The following NAV2 variants were observed in gnomAD, a reference collection of about 807,000 sequenced individuals.
NAV2 encodes the protein neuron navigator 2, also known as helicase, APC down-regulated 1.
In NAV2, 54 loss-of-function variants were observed where a neutral mutation model predicts 223.2. The ratio of observed to expected loss-of-function variants is 0.24; its 90% CI spans 0.19 to 0.30. The LOEUF is 0.30. Among genes scored for constraint, NAV2 ranks in the 10% least tolerant of loss-of-function variants. NAV2 has a pLI of 1.00. For missense variants in NAV2, 2,806 were observed against 3,147.5 expected, an observed-to-expected ratio of 0.89 and a Z score of 2.60; for synonymous variants, 1,279 against 1,239.3, an observed-to-expected ratio of 1.03 and a Z score of -0.67.
Position 19,713,300 on chromosome 11 carries a change from A to C in NAV2, c.-396A>C. Reference sequence around the variant, plus strand: ...GGTCGCCGCCGCCTCTGTCTCTTCCAAAGGGGCCTCCTCACTTCGGAGATG... The same window carrying C: ...GGTCGCCGCCGCCTCTGTCTCTTCCCAAGGGGCCTCCTCACTTCGGAGATG... On this transcript the variant is annotated 5_prime_UTR_variant, in exon 1 of 38. Transcript: ENST00000349880. The surrounding 1 kb of genome is among the most constrained non-coding windows in gnomAD (Gnocchi z 7.2). The C allele has an allele frequency of 9.7e-7, 1 of 1,027,350 alleles. No homozygotes were observed. The highest frequency in any genetic ancestry group is 1.2e-6 in the Non-Finnish European group (1 of 858,590). The allele number at this position is 1,027,350 out of a possible 1,614,324, so 63.6% of individuals were successfully genotyped here.
chr11:19,792,211 G>C (rs1009525650), intron 1 of NAV2, among the ~76,000 whole-genome samples: 2 of 152,188 alleles, frequency 1.3e-5, no homozygotes, highest in African/African-American at 2.4e-5. Flanking sequence ...CAGGTCCCAG[G>C]CTTTAGGAGC....
chr11:19,873,394 T>C (rs2062649599), intron 4 of NAV2, among the ~76,000 whole-genome samples: 1 of 151,948 alleles, frequency 6.6e-6, no homozygotes, highest in African/African-American at 2.4e-5. Context: ...GAATAGACAT[T>C]TGCCAGACAG....
intron 1 of NAV2, among the ~76,000 whole-genome samples, chr11:19,686,659 A>AC (rs2049033423): frequency 6.6e-6 from 1 of 151,948 alleles, no homozygotes; most frequent in African/African-American, 2.4e-5. Context: ...GGTGGGGAGG[A>AC]CCCCCAGTGT....
intron 1 of NAV2, among the ~76,000 whole-genome samples, chr11:19,769,524 C>G (rs534588493): frequency 6.6e-6 from 1 of 152,240 alleles, no homozygotes; most frequent in South Asian, 2.1e-4. Flanking sequence ...GTTTGTGGAC[C>G]AGACCCAGAG....
rs758783186 is a variant in NAV2 at position 19,998,992 on chromosome 11, T to C, written c.2768+14745T>C. ...ATCCCCTCTCCCAGCACAGGGCCCGTCCAGAGAGGGTGCTTATTACATATA... is the reference window on the plus strand; with the variant it reads ...ATCCCCTCTCCCAGCACAGGGCCCGCCCAGAGAGGGTGCTTATTACATATA... On this transcript the variant is annotated intron_variant, in intron 11 of 37. Coordinates refer to ENST00000349880, the MANE Select transcript of NAV2 (RefSeq NM_145117.5). The surrounding 1 kb of genome is among the most constrained non-coding windows in gnomAD (Gnocchi z 5.0). 3.9e-5 allele frequency among the ~76,000 whole-genome samples: 6 copies of C among 152,192 alleles called. No homozygotes were observed. The highest frequency in any genetic ancestry group is 7.3e-5 in the Non-Finnish European group (5 of 68,034).
At chr11:19,764,706 G>A (rs926159407) in intron 1 of NAV2, among the ~76,000 whole-genome samples, 9 of 151,952 alleles carry the variant, frequency 5.9e-5, no homozygotes, top group South Asian at 2.1e-4. Context: ...TTATATGTGC[G>A]TGCATCTTGC....
Position 19,381,513 on chromosome 11 carries a change from C to G in NAV2, c.75+30486C>G, listed in dbSNP as rs146992871. On this transcript the variant is annotated intron_variant, in intron 1 of 37. Coordinates refer to the NAV2 transcript ENST00000360655. Reference sequence around the variant, plus strand: ...CATGCGGAGTAGTTTATGAAACATACGGAGACCCTGACTCTTTCCAGAGAT... The same window carrying G: ...CATGCGGAGTAGTTTATGAAACATAGGGAGACCCTGACTCTTTCCAGAGAT... 6.3e-3 allele frequency among the ~76,000 whole-genome samples: 956 copies of G among 152,236 alleles called. 6 individuals carry two copies. Among genetic ancestry groups the G allele is most frequent in the Middle Eastern group, 0.034 (10 of 294 alleles).
chr11:19,764,590 T>C (rs1279934750), intron 1 of NAV2, among the ~76,000 whole-genome samples: 1 of 152,218 alleles, frequency 6.6e-6, no homozygotes, highest in African/African-American at 2.4e-5. Context: ...TTATAGGTTG[T>C]TGTGAGAATG....
intron 5 of NAV2, among the ~76,000 whole-genome samples, chr11:19,891,367 C>T (rs2041484277): frequency 6.6e-6 from 1 of 152,152 alleles, no homozygotes; most frequent in Non-Finnish European, 1.5e-5. Flanking sequence ...TGGAAACAGC[C>T]TGCTTAGTAA....
At chr11:20,107,821 G>A (rs2062272885) in intron 36 of NAV2, 39 bp downstream of exon 36, 1 of 1,400,206 alleles carries the variant, frequency 7.1e-7, no homozygotes, top group Non-Finnish European at 1.0e-6. Context: ...GAAGCTGAGG[G>A]GGACTGTTCT....
intron 1 of NAV2, among the ~76,000 whole-genome samples, chr11:19,752,688 A>G (rs1238247487): frequency 6.6e-6 from 1 of 152,264 alleles, no homozygotes; most frequent in South Asian, 2.1e-4. Flanking sequence ...AGGTACCATG[A>G]TTTGTATAAC....
intron 1 of NAV2, among the ~76,000 whole-genome samples, chr11:19,635,419 C>G (rs542223987): frequency 1.3e-5 from 2 of 152,286 alleles, no homozygotes; most frequent in African/African-American, 4.8e-5. Flanking sequence ...GTAATGTAGG[C>G]TGTCTTAGTC....
At chr11:19,895,825 T>C (rs540776508) in intron 6 of NAV2, among the ~76,000 whole-genome samples, 1 of 152,308 alleles carries the variant, frequency 6.6e-6, no homozygotes, top group South Asian at 2.1e-4. Context: ...TGGTTTCCCT[T>C]GAGTCTGACC....
At chr11:19,874,155 A>G (rs1213626549) in intron 4 of NAV2, among the ~76,000 whole-genome samples, 1 of 152,166 alleles carries the variant, frequency 6.6e-6, no homozygotes, top group East Asian at 1.9e-4. Flanking sequence ...AATAACTCCT[A>G]TTTATCTTAC....
At chr11:19,807,378 T>A (rs998974509) in intron 1 of NAV2, among the ~76,000 whole-genome samples, 2 of 152,250 alleles carry the variant, frequency 1.3e-5, no homozygotes, top group Non-Finnish European at 2.9e-5. Flanking sequence ...AAGATGCTTA[T>A]TTAGATGCTG....
At chr11:19,632,177 A>T (rs1160436295) in intron 1 of NAV2, among the ~76,000 whole-genome samples, 1 of 152,222 alleles carries the variant, frequency 6.6e-6, no homozygotes, top group Admixed American at 6.5e-5. Context: ...GATCAGTGAG[A>T]GCACACCCCC....
intron 1 of NAV2, among the ~76,000 whole-genome samples, chr11:19,655,528 G>A (rs1025622344): frequency 1.4e-4 from 21 of 152,226 alleles, no homozygotes; most frequent in African/African-American, 5.1e-4. Flanking sequence ...TTAAGAAAAT[G>A]TGGCACATAT....
rs78609286 is a variant in NAV2, at chr11:19,448,986, G to A, written c.75+97959G>A. Among the ~76,000 whole-genome samples, 351 of 152,286 alleles carry A rather than the reference G, an allele frequency of 2.3e-3. 1 individual carries two copies. The highest frequency in any genetic ancestry group is 7.5e-3 in the African/African-American group (313 of 41,552). ...TAAACCACCCAGTATTCTACACAGT[G>A]TGAGACTATTTTTTTTTTAAACTGT... On this transcript the variant is annotated intron_variant, in intron 1 of 37. Transcript: ENST00000360655.
intron 11 of NAV2, among the ~76,000 whole-genome samples, chr11:19,986,573 T>C (rs963090448): frequency 6.6e-6 from 1 of 152,192 alleles, no homozygotes; most frequent in African/African-American, 2.4e-5. Flanking sequence ...TGAGCCGAGA[T>C]TGTGCCATTG....
Sources: allele counts gnomAD v4.1 joint callset (sites outside exome capture counted in the v4.1 genomes callset), GRCh38; gene constraint gnomAD v4.1.1; non-coding constraint Gnocchi (gnomAD v3.1); transcripts MANE v1.5; gene names NCBI Gene and HGNC (gene_info 2026-07-23, HGNC 2026-07-21).